The following CSMD1 variants were observed in gnomAD, a reference collection of about 807,000 sequenced individuals.
CSMD1 encodes CUB and sushi domain-containing protein 1.
A neutral mutation model predicts 417.5 loss-of-function variants in CSMD1; 213 were observed. The observed-to-expected ratio is 0.51, with a 90% CI of 0.46 to 0.57. The LOEUF (loss-of-function observed/expected upper bound fraction) is 0.57. Ranked by LOEUF, CSMD1 falls within the 20% of genes least tolerant of loss-of-function variation. CSMD1 has a pLI of 0.00. For synonymous variants in CSMD1, 2,862 were observed against 1,736.8 expected, an observed-to-expected ratio of 1.65 and a Z score of -16.11; for missense variants, 6,923 against 4,529.7, an observed-to-expected ratio of 1.53 and a Z score of -15.17.
chr8:4,433,175 G>A (rs555099873), intron 2 of CSMD1, among the ~76,000 whole-genome samples: 6 of 152,104 alleles, frequency 3.9e-5, no homozygotes, highest in Non-Finnish European at 8.8e-5. Flanking sequence ...GCATTATGGC[G>A]AGTTGTATAA....
intron 1 of CSMD1, among the ~76,000 whole-genome samples, chr8:4,818,286 G>T (rs1176938347): frequency 6.6e-6 from 1 of 152,202 alleles, no homozygotes; most frequent in Non-Finnish European, 1.5e-5. Context: ...ATTTAGTCTA[G>T]AAAAGCTCGA....
chr8:4,220,992 C>G (rs906024312), intron 3 of CSMD1, among the ~76,000 whole-genome samples: 3 of 152,196 alleles, frequency 2.0e-5, no homozygotes, highest in Non-Finnish European at 2.9e-5. Context: ...GGGTGCTCTC[C>G]TCTGCCATGC....
In CSMD1 at chr8:3,182,163, A is replaced by C. The variant is rs191588664; in HGVS notation, c.5621-949T>G. Among the ~76,000 whole-genome samples the C allele has an allele frequency of 2.2e-3, 339 of 152,330 alleles. 1 individual carries two copies. Among genetic ancestry groups the C allele is most frequent in the African/African-American group, 7.9e-3 (329 of 41,560 alleles). On this transcript the variant is annotated intron_variant, in intron 36 of 69. Coordinates refer to ENST00000635120, the MANE Select transcript of CSMD1 (RefSeq NM_033225.6). ...TAACAAAGCAAAGAAATAAGTTGAT[A>C]ATTATTCCAAACAGATGAACATTAT...
chr8:3,868,812 G>A (rs182821542), intron 5 of CSMD1, among the ~76,000 whole-genome samples: 35 of 152,246 alleles, frequency 2.3e-4, no homozygotes, highest in Admixed American at 1.8e-3. Context: ...CTGATCAGTC[G>A]TGTTTCATGG....
At chr8:4,420,181 A>G (rs913796213) in intron 2 of CSMD1, 116 bp from the exon 3 acceptor site, 4 of 624,822 alleles carry the variant, frequency 6.4e-6, no homozygotes, top group Non-Finnish European at 1.1e-5. Context: ...GAAATATGGC[A>G]TTAAACACTT....
At chr8:3,310,412 G>C (rs1245455283) in intron 23 of CSMD1, among the ~76,000 whole-genome samples, 1 of 152,206 alleles carries the variant, frequency 6.6e-6, no homozygotes, top group Non-Finnish European at 1.5e-5. Context: ...CAGCATTGGG[G>C]ATGACCACCA....
At chr8:3,717,239 T>C (rs74563889) in intron 6 of CSMD1, among the ~76,000 whole-genome samples, 12,078 of 152,296 alleles carry the variant, frequency 0.079, 567 homozygotes, top group Non-Finnish European at 0.089. Context: ...CTTTCCATTA[T>C]GCTACATTTT....
intron 26 of CSMD1, among the ~76,000 whole-genome samples, chr8:3,263,148 G>C (rs895206070): frequency 4.6e-5 from 7 of 152,108 alleles, no homozygotes; most frequent in African/African-American, 1.4e-4. Context: ...GTCCAGGCTG[G>C]AGTGCAGTGG....
intron 1 of CSMD1, among the ~76,000 whole-genome samples, chr8:4,782,382 A>G (rs900405501): frequency 7.2e-5 from 11 of 152,202 alleles, no homozygotes; most frequent in Non-Finnish European, 1.6e-4. Flanking sequence ...ATGTACAATT[A>G]TTATGTAGGT....
chr8:3,845,608 C>G (rs186249222), intron 5 of CSMD1, among the ~76,000 whole-genome samples: 7 of 152,172 alleles, frequency 4.6e-5, no homozygotes, highest in African/African-American at 1.7e-4. Flanking sequence ...ACTGCGGGAT[C>G]TATAAATGCA....
chr8:3,193,381 A>G (rs7834670), intron 33 of CSMD1, among the ~76,000 whole-genome samples: 139,397 of 151,948 alleles, frequency 0.92, 64,115 homozygotes, highest in Non-Finnish European at 0.95. Context: ...GAGGACACCA[A>G]TTGTAAGGAC....
At chr8:3,494,066 G>A (rs761102885) in intron 10 of CSMD1, among the ~76,000 whole-genome samples, 2 of 152,140 alleles carry the variant, frequency 1.3e-5, no homozygotes, top group Non-Finnish European at 2.9e-5. Flanking sequence ...CAAAAGAAAT[G>A]TTGGTTATAG....
intron 26 of CSMD1, among the ~76,000 whole-genome samples, chr8:3,237,659 A>G (rs1367108731): frequency 6.9e-6 from 1 of 144,778 alleles, no homozygotes; most frequent in African/African-American, 2.5e-5. Context: ...TTTAAATTAT[A>G]CTATAAATAT....
At chr8:4,211,906 C>G (rs913835245) in intron 3 of CSMD1, among the ~76,000 whole-genome samples, 2 of 152,166 alleles carry the variant, frequency 1.3e-5, no homozygotes, top group African/African-American at 4.8e-5. Flanking sequence ...CTTCCAACAT[C>G]ATCAATGTAC....
intron 26 of CSMD1, chr8:3,278,411 G>A (rs977297547): frequency 6.6e-6 from 1 of 152,068 alleles, no homozygotes; most frequent in African/African-American, 2.4e-5. Flanking sequence ...TATTTCACAT[G>A]TTACTGACAT....
intron 2 of CSMD1, among the ~76,000 whole-genome samples, chr8:4,477,206 C>G (rs1381747313): frequency 2.0e-5 from 3 of 152,084 alleles, no homozygotes; most frequent in African/African-American, 7.2e-5. Context: ...TGAGCCCAGC[C>G]CAGGTGAGAG....
chr8:3,329,530 G>A (rs549909401), intron 23 of CSMD1, among the ~76,000 whole-genome samples: 1 of 152,170 alleles, frequency 6.6e-6, no homozygotes, highest in African/African-American at 2.4e-5. Context: ...CCATGAGAAT[G>A]TGCAGCAGTT....
At chr8:4,069,670 C>G (rs80169204) in intron 3 of CSMD1, among the ~76,000 whole-genome samples, 1 of 152,112 alleles carries the variant, frequency 6.6e-6, no homozygotes, top group Non-Finnish European at 1.5e-5. Flanking sequence ...CCTGTTTCTC[C>G]GACTGGATTG....
chr8:4,905,942 C>A (rs545927534), intron 1 of CSMD1, among the ~76,000 whole-genome samples: 1 of 152,026 alleles, frequency 6.6e-6, no homozygotes, highest in Admixed American at 6.6e-5. Context: ...TCCCAGTTTC[C>A]CAAACCCCCA....
Sources: allele counts gnomAD v4.1 joint callset (sites outside exome capture counted in the v4.1 genomes callset), GRCh38; gene constraint gnomAD v4.1.1; transcripts MANE v1.5; gene names NCBI Gene and HGNC (gene_info 2026-07-23, HGNC 2026-07-21).